Variants in ATG7 observed in about 807,000 individuals in gnomAD.
ATG7 encodes the protein autophagy related 7.
ATG7 carries 70 observed loss-of-function variants against 82.4 expected under a neutral mutation model. The observed-to-expected ratio is 0.85, with a 90% CI of 0.70 to 1.04. The LOEUF is 1.04. ATG7 is among the 50% of genes least tolerant of loss of function. The pLI, the probability that ATG7 is intolerant of heterozygous loss-of-function variation, is 0.00. For synonymous variants in ATG7, 287 were observed against 313.0 expected (o/e 0.92, Z 0.88); for missense variants, 792 against 864.3 (o/e 0.92, Z 1.05).
intron 3 of ATG7, chr3:11,290,499 T>C: frequency 3.0e-6 from 1 of 334,202 alleles, no homozygotes; most frequent in Non-Finnish European, 5.8e-6. Flanking sequence ...GGCCTGTTTT[T>C]ACTTTTGGTA....
intron 3 of ATG7, among the ~76,000 whole-genome samples, chr3:11,294,322 G>C (rs1385946529): frequency 6.6e-6 from 1 of 151,994 alleles, no homozygotes; most frequent in Non-Finnish European, 1.5e-5. Context: ...CCAGGTTCAA[G>C]AGATTCTCGT....
intron 19 of ATG7, among the ~76,000 whole-genome samples, chr3:11,416,626 A>G (rs1576257365): frequency 6.6e-6 from 1 of 152,250 alleles, no homozygotes; most frequent in East Asian, 1.9e-4. Context: ...GAGGCTTATC[A>G]ATTTACCTTG....
intron 19 of ATG7, among the ~76,000 whole-genome samples, chr3:11,385,071 C>T (rs550862580): frequency 1.3e-5 from 2 of 152,156 alleles, no homozygotes; most frequent in Admixed American, 6.5e-5. Flanking sequence ...TGCTCACTTG[C>T]GAGGCTGGAG....
chr3:11,312,805 T>A (rs1031803590), intron 7 of ATG7, among the ~76,000 whole-genome samples: 2 of 152,244 alleles, frequency 1.3e-5, no homozygotes, highest in East Asian at 3.8e-4. Context: ...GTTTGGAAGT[T>A]GTGCTTCTGT....
At chr3:11,528,335 A>G (rs2124961136) in intron 20 of ATG7, among the ~76,000 whole-genome samples, 1 of 152,156 alleles carries the variant, frequency 6.6e-6, no homozygotes, top group East Asian at 1.9e-4. Context: ...AAAAAAACAT[A>G]AGATAGCTAT....
chr3:11,347,529 T>C (rs1954739764), intron 13 of ATG7, among the ~76,000 whole-genome samples: 2 of 152,200 alleles, frequency 1.3e-5, no homozygotes, highest in African/African-American at 4.8e-5. Flanking sequence ...ATCAAGGACA[T>C]TTAGGGGCTA....
intron 18 of ATG7, among the ~76,000 whole-genome samples, chr3:11,366,079 G>T (rs564361985): frequency 1.3e-5 from 2 of 152,022 alleles, no homozygotes; most frequent in South Asian, 2.1e-4. Context: ...TTAGCTGAGC[G>T]TGATAGTGTG....
At chr3:11,477,126 C>T (rs772800867) in intron 20 of ATG7, 28 of 1,289,666 alleles carry the variant, frequency 2.2e-5, no homozygotes, top group East Asian at 1.7e-4. Context: ...CATGTTTGTA[C>T]CTGCCAGCAT....
At chr3:11,428,948 A>T (rs1002702996) in intron 20 of ATG7, among the ~76,000 whole-genome samples, 1 of 152,220 alleles carries the variant, frequency 6.6e-6, no homozygotes, top group African/African-American at 2.4e-5. Context: ...TCAAAGACTT[A>T]GAGAAAGTTT....
In ATG7 at chr3:11,426,865, A is replaced by G. The variant is rs2082405991; in HGVS notation, c.2018A>G (p.His673Arg). The G allele has an allele frequency of 1.2e-6, 2 of 1,612,666 alleles. No homozygotes were observed. Among genetic ancestry groups the G allele is most frequent in the Admixed American group, 1.7e-5 (1 of 59,764 alleles). ...NFLAKVFNSS[H>R]SFLEDLTGLT... ...CTAGCCAAGGTGTTTAATTCTTCAC[A>G]TTCCTTCTTAGAAGACTTGACTGGT... The change falls in exon 20 of 21, where the codon CAT becomes CGT. Residue 673 changes from histidine (H) to arginine (R), a missense_variant. Transcript: ENST00000693202.
At chr3:11,427,047 CTAAA>C in intron 20 of ATG7, 121 bp downstream of exon 20, 5 of 1,216,584 alleles carry the variant, frequency 4.1e-6, no homozygotes, top group Non-Finnish European at 5.5e-6. Flanking sequence ...GCAAATATCA[CTAAA>C]TAAGTCTGCT....
intron 19 of ATG7, among the ~76,000 whole-genome samples, chr3:11,399,330 A>G (rs990188021): frequency 6.6e-6 from 1 of 152,218 alleles, no homozygotes; most frequent in African/African-American, 2.4e-5. Flanking sequence ...CCTGGGCAAA[A>G]GAGTGAGACA....
the ATG7 span, among the ~76,000 whole-genome samples, chr3:11,572,461 C>T: frequency 2.2e-4 from 34 of 152,224 alleles, no homozygotes; most frequent in Non-Finnish European, 4.6e-4. Context: ...CGGGCCTTTT[C>T]TTTCCTCTGG....
intron 1 of ATG7, among the ~76,000 whole-genome samples, chr3:11,277,878 C>G (rs1036824398): frequency 7.6e-6 from 1 of 132,318 alleles, no homozygotes; most frequent in Non-Finnish European, 1.6e-5. Context: ...ACTCCCAGAG[C>G]GGCCCTTTAT....
At chr3:11,337,056 A>C (rs115399413) in intron 11 of ATG7, among the ~76,000 whole-genome samples, 10 of 152,202 alleles carry the variant, frequency 6.6e-5, no homozygotes, top group Admixed American at 2.6e-4. Context: ...TGGTGGAGGA[A>C]GATGGCAGAC....
intron 20 of ATG7, among the ~76,000 whole-genome samples, chr3:11,432,389 T>G (rs917659623): frequency 2.0e-5 from 3 of 152,102 alleles, no homozygotes; most frequent in African/African-American, 7.2e-5. Flanking sequence ...AGTTATAGAT[T>G]AAAAAATTTA....
At chr3:11,392,462 A>AAAAAC (rs1163845875) in intron 19 of ATG7, among the ~76,000 whole-genome samples, 1 of 106,038 alleles carries the variant, frequency 9.4e-6, no homozygotes, top group Non-Finnish European at 2.3e-5. Context: ...AAATCATTAA[A>AAAAAC]AAAACAAACA....
chr3:11,493,237 C>T (rs2090543978), intron 20 of ATG7, among the ~76,000 whole-genome samples: 1 of 152,188 alleles, frequency 6.6e-6, no homozygotes, highest in Non-Finnish European at 1.5e-5. Context: ...TGCCTCTCTG[C>T]CCCTCTTCTC....
rs989312424 is a variant in ATG7 at position 11,557,247 on chromosome 3, A to T, written c.*2404A>T. 1 of 152,814 alleles carries T rather than the reference A, an allele frequency of 6.5e-6. No individual in the cohort carries two copies. The highest frequency in any genetic ancestry group is 1.5e-5 in the Non-Finnish European group (1 of 68,052). 9.5% of individuals were successfully genotyped at this position (152,814 alleles called of 1,614,324 possible). ...TAGCTATTAATATAGCAAATAATAAATGCAGTAATAACAGTATAAAGTCAG... is the reference window on the plus strand; with the variant it reads ...TAGCTATTAATATAGCAAATAATAATTGCAGTAATAACAGTATAAAGTCAG... On this transcript the variant is annotated 3_prime_UTR_variant, in exon 21 of 21. Coordinates refer to ENST00000693202, the MANE Select transcript of ATG7 (RefSeq NM_001349232.2).
Sources: gnomAD v4.1 joint callset for allele counts (sites outside exome capture counted in the v4.1 genomes callset) on GRCh38, gnomAD v4.1.1 for gene constraint, MANE v1.5 for transcripts, NCBI Gene and HGNC (gene_info 2026-07-23, HGNC 2026-07-21) for gene names.